PTPRD: variants seen among roughly 807,000 people sequenced by gnomAD.
PTPRD encodes protein tyrosine phosphatase receptor type D, also known as receptor-type tyrosine-protein phosphatase delta.
A neutral mutation model predicts 214.5 loss-of-function variants in PTPRD; 34 were observed. That is an observed-to-expected ratio of 0.16 (90% CI 0.12 to 0.21). PTPRD has a LOEUF of 0.21. Ranked by LOEUF, PTPRD falls within the 10% of genes least tolerant of loss-of-function variation. The pLI, the probability that PTPRD is intolerant of heterozygous loss-of-function variation, is 1.00. For synonymous variants in PTPRD, 1,128 were observed against 845.7 expected (o/e 1.33, Z -5.79); for missense variants, 2,545 against 2,398.7 (o/e 1.06, Z -1.27).
At chr9:8,805,583 CAATTTTT>C (rs1399880459) in intron 11 of PTPRD, among the ~76,000 whole-genome samples, 1 of 151,354 alleles carries the variant, frequency 6.6e-6, no homozygotes, top group African/African-American at 2.4e-5. Context: ...TTACAGCTTA[CAATTTTT>C]ATTTTTTATT....
At chr9:9,317,205 A>G (rs1158799776) in intron 9 of PTPRD, among the ~76,000 whole-genome samples, 1 of 152,168 alleles carries the variant, frequency 6.6e-6, no homozygotes, top group Non-Finnish European at 1.5e-5. Context: ...TCCTCTGCTC[A>G]CACTACAGGC....
intron 5 of PTPRD, among the ~76,000 whole-genome samples, chr9:9,893,556 A>G (rs907795401): frequency 1.3e-5 from 2 of 152,188 alleles, no homozygotes; most frequent in Non-Finnish European, 2.9e-5. Flanking sequence ...TATATAATTC[A>G]TGTAATGGTT....
chr9:10,440,083 A>G (rs2098748826), intron 2 of PTPRD, among the ~76,000 whole-genome samples: 1 of 151,434 alleles, frequency 6.6e-6, no homozygotes, highest in South Asian at 2.1e-4. Context: ...TATCCTAATT[A>G]AGCTTTTACA....
At chr9:9,224,339 G>A (rs1009740456) in intron 9 of PTPRD, among the ~76,000 whole-genome samples, 6 of 151,898 alleles carry the variant, frequency 4.0e-5, no homozygotes, top group Admixed American at 3.9e-4. Context: ...GGCCATTTCA[G>A]GAAAATTTTC....
intron 7 of PTPRD, among the ~76,000 whole-genome samples, chr9:9,714,995 T>G (rs1329390060): frequency 6.6e-6 from 1 of 152,214 alleles, no homozygotes; most frequent in Non-Finnish European, 1.5e-5. Flanking sequence ...TTTCAGCTTT[T>G]AGGGGAAGAA....
chr9:9,759,555 C>CTTTTTTTTTTTTTTTTTTTTTTTT (rs3050068), intron 6 of PTPRD, among the ~76,000 whole-genome samples: 3 of 117,816 alleles, frequency 2.5e-5, no homozygotes, highest in East Asian at 3.4e-4. Flanking sequence ...CAAGGTCTGT[C>CTTTTTTTTTTTTTTTTTTTTTTTT]TTTTTTTTTT....
At chr9:9,765,862 C>G (rs1171104071) in intron 6 of PTPRD, among the ~76,000 whole-genome samples, 1 of 152,070 alleles carries the variant, frequency 6.6e-6, no homozygotes, top group Non-Finnish European at 1.5e-5. Context: ...CGGGGTTTCA[C>G]CGTGTTAGCC....
At chr9:8,895,182 T>C (rs575467052) in intron 11 of PTPRD, among the ~76,000 whole-genome samples, 1 of 152,306 alleles carries the variant, frequency 6.6e-6, no homozygotes, top group East Asian at 1.9e-4. Flanking sequence ...AACATGGGGA[T>C]TTGAGCTAGT....
chr9:9,016,449 C>A (rs773087828), intron 11 of PTPRD, among the ~76,000 whole-genome samples: 3 of 152,036 alleles, frequency 2.0e-5, no homozygotes, highest in Non-Finnish European at 4.4e-5. Flanking sequence ...AACAGATATT[C>A]CTTAGATGAT....
At chr9:10,319,048 G>T (rs545256140) in intron 3 of PTPRD, among the ~76,000 whole-genome samples, 1 of 152,058 alleles carries the variant, frequency 6.6e-6, no homozygotes, top group East Asian at 1.9e-4. Flanking sequence ...ATGGAATCAT[G>T]TGACCAACTC....
chr9:9,179,515 C>T (rs1435095747), intron 10 of PTPRD, among the ~76,000 whole-genome samples: 2 of 152,084 alleles, frequency 1.3e-5, no homozygotes, highest in African/African-American at 4.8e-5. Context: ...TAGCTGAAGA[C>T]TAGGATATTA....
chr9:10,101,861 C>T (rs990776207), intron 3 of PTPRD, among the ~76,000 whole-genome samples: 1 of 151,612 alleles, frequency 6.6e-6, no homozygotes, highest in African/African-American at 2.4e-5. Flanking sequence ...ATTCTGGGGA[C>T]AGTGCTGAGT....
intron 31 of PTPRD, among the ~76,000 whole-genome samples, chr9:8,467,873 G>A (rs1197727873): frequency 6.6e-6 from 1 of 151,888 alleles, no homozygotes; most frequent in Non-Finnish European, 1.5e-5. Context: ...AAGGACAGTA[G>A]CCTATTACAC....
At chr9:8,563,115 G>A (rs1334052924) in intron 14 of PTPRD, among the ~76,000 whole-genome samples, 1 of 152,096 alleles carries the variant, frequency 6.6e-6, no homozygotes, top group Admixed American at 6.5e-5. Context: ...ATAAGCCTGA[G>A]TGTCAGCTTG....
At chr9:10,384,697 A>G (rs1430114198) in intron 2 of PTPRD, among the ~76,000 whole-genome samples, 3 of 151,658 alleles carry the variant, frequency 2.0e-5, no homozygotes, top group Non-Finnish European at 3.0e-5. Context: ...AGTTAGATTT[A>G]AAAGCAGAAA....
chr9:9,716,169 C>A (rs1352449348), intron 7 of PTPRD, among the ~76,000 whole-genome samples: 2 of 152,194 alleles, frequency 1.3e-5, no homozygotes. Context: ...CAAGTCCCTA[C>A]AAAGGACATG....
At chr9:8,392,891 G>C (rs1361851455) in intron 36 of PTPRD, among the ~76,000 whole-genome samples, 2 of 152,086 alleles carry the variant, frequency 1.3e-5, no homozygotes, top group Non-Finnish European at 1.5e-5. Flanking sequence ...ATTTTAGAAA[G>C]GATGGTGGTG....
rs569129824 is a variant in PTPRD, at chr9:9,747,182, G to C, written c.-325-12611C>G. Among the ~76,000 whole-genome samples, 6 of 152,292 alleles carry C rather than the reference G, an allele frequency of 3.9e-5. 1 individual carries two copies. The South Asian group carries it at 1.2e-3, about 32-fold the overall frequency. ...AAAGAGGGAAGAAGCACTCTGAGCA[G>C]GAGCCACTGACAGAGGTATTGGGCT... On this transcript the variant is annotated intron_variant, in intron 6 of 45. Transcript: ENST00000381196.
At chr9:8,343,693 G>A (rs1194168698) in intron 39 of PTPRD, among the ~76,000 whole-genome samples, 1 of 151,824 alleles carries the variant, frequency 6.6e-6, no homozygotes, top group Non-Finnish European at 1.5e-5. Context: ...TTAATTTAGG[G>A]CAGCCATCCA....
Sources: gnomAD v4.1 joint callset for allele counts (sites outside exome capture counted in the v4.1 genomes callset) on GRCh38, gnomAD v4.1.1 for gene constraint, MANE v1.5 for transcripts, NCBI Gene and HGNC (gene_info 2026-07-23, HGNC 2026-07-21) for gene names.